RTN1: variants seen among roughly 807,000 people sequenced by gnomAD.
The protein encoded by RTN1 is reticulon 1.
In RTN1, 25 loss-of-function variants were observed where a neutral mutation model predicts 65.5. The ratio of observed to expected loss-of-function variants is 0.38; its 90% CI spans 0.28 to 0.53. The LOEUF is 0.53. RTN1 is among the 20% of genes least tolerant of loss of function. The probability of loss-of-function intolerance (pLI) is 0.79; values close to 1 mark genes in which losing one functional copy is unlikely to be tolerated. For synonymous variants in RTN1, 471 were observed against 447.6 expected (o/e 1.05, Z -0.66); for missense variants, 983 against 1,025.4 (o/e 0.96, Z 0.57).
At chr14:59,662,948 C>T (rs180916491) in intron 3 of RTN1, among the ~76,000 whole-genome samples, 40 of 152,204 alleles carry the variant, frequency 2.6e-4, no homozygotes, top group African/African-American at 9.2e-4. Context: ...AAAAAGAGCC[C>T]ATATAGCCAA....
chr14:59,857,647 T>C (rs1887632184), intron 1 of RTN1, among the ~76,000 whole-genome samples: 1 of 152,230 alleles, frequency 6.6e-6, no homozygotes, highest in Non-Finnish European at 1.5e-5. Flanking sequence ...GGCCCTGAAA[T>C]TGATGTTACT....
At chr14:59,651,335 T>A (rs538736811) in intron 3 of RTN1, among the ~76,000 whole-genome samples, 1 of 152,170 alleles carries the variant, frequency 6.6e-6, no homozygotes, top group Non-Finnish European at 1.5e-5. Flanking sequence ...GCTAGCCATA[T>A]GCAGAAAACT....
chr14:59,755,617 C>T (rs968347753), intron 1 of RTN1, among the ~76,000 whole-genome samples: 1 of 152,142 alleles, frequency 6.6e-6, no homozygotes, highest in African/African-American at 2.4e-5. Flanking sequence ...AGTCTGGAGG[C>T]TGTGACACAT....
At chr14:59,687,692 A>G (rs1480167452) in intron 3 of RTN1, among the ~76,000 whole-genome samples, 1 of 152,058 alleles carries the variant, frequency 6.6e-6, no homozygotes, top group African/African-American at 2.4e-5. Flanking sequence ...GCAGATCTCC[A>G]GGCATTCAGA....
At chr14:59,801,998 A>G (rs1302577445) in intron 1 of RTN1, among the ~76,000 whole-genome samples, 1 of 152,184 alleles carries the variant, frequency 6.6e-6, no homozygotes, top group Admixed American at 6.5e-5. Flanking sequence ...CCCCAAGTAT[A>G]TTTCAGTATG....
intron 1 of RTN1, among the ~76,000 whole-genome samples, chr14:59,750,378 AT>A (rs1326444490): frequency 8.9e-4 from 42 of 47,216 alleles, no homozygotes; most frequent in Non-Finnish European, 1.2e-3. Context: ...ATATCTATAT[AT>A]TATATATTAT....
chr14:59,743,288 C>G (rs1885150362), intron 2 of RTN1, among the ~76,000 whole-genome samples: 1 of 152,148 alleles, frequency 6.6e-6, no homozygotes, highest in South Asian at 2.1e-4. Flanking sequence ...TTTGTCAAGT[C>G]TTTGCAAACT....
At chr14:59,625,902 C>T (rs1377318327) in intron 3 of RTN1, among the ~76,000 whole-genome samples, 4 of 152,200 alleles carry the variant, frequency 2.6e-5, no homozygotes, top group African/African-American at 9.6e-5. Context: ...CTGCATAATA[C>T]GAGTTTTCTT....
intron 1 of RTN1, among the ~76,000 whole-genome samples, chr14:59,805,086 T>C (rs1886613618): frequency 6.6e-6 from 1 of 152,224 alleles, no homozygotes; most frequent in Admixed American, 6.5e-5. Flanking sequence ...TCCAGCTACC[T>C]GGAATGCTCT....
intron 3 of RTN1, among the ~76,000 whole-genome samples, chr14:59,690,004 G>A (rs530792043): frequency 6.7e-6 from 1 of 149,584 alleles, no homozygotes. Flanking sequence ...TTTTGGTAGA[G>A]ATGGGATCTT....
At chr14:59,666,918 A>G (rs1233880883) in intron 3 of RTN1, among the ~76,000 whole-genome samples, 11 of 148,682 alleles carry the variant, frequency 7.4e-5, no homozygotes, top group African/African-American at 2.8e-4. Context: ...GAATAGACCA[A>G]TATCAAGTTC....
chr14:59,704,018 C>T (rs140446396), intron 3 of RTN1, among the ~76,000 whole-genome samples: 1 of 152,266 alleles, frequency 6.6e-6, no homozygotes, highest in East Asian at 1.9e-4. Flanking sequence ...GATAATATTG[C>T]AGGAAATCAC....
rs1306090679 is a variant in RTN1, at chr14:59,816,692, A to C, written c.241+53698T>G. 1.3e-5 allele frequency among the ~76,000 whole-genome samples: 2 copies of C among 152,100 alleles called. No individual in the cohort carries two copies. Among genetic ancestry groups the C allele is most frequent in the Non-Finnish European group, 2.9e-5 (2 of 68,002 alleles). On this transcript the variant is annotated intron_variant, in intron 1 of 8. Coordinates refer to ENST00000267484, the MANE Select transcript of RTN1 (RefSeq NM_021136.3). This position sits in a 1 kb window ranked among gnomAD's most constrained non-coding sequence, Gnocchi z 4.3. ...CTCATGCCTGTAATCCCAGCACTTT[A>C]GGAGGCCGAGGCTGGCGAATCACTT... is the stretch of plus-strand genomic sequence containing the variant.
intron 1 of RTN1, among the ~76,000 whole-genome samples, chr14:59,830,621 C>T (rs1887108293): frequency 1.3e-5 from 2 of 152,202 alleles, no homozygotes; most frequent in Non-Finnish European, 2.9e-5. Context: ...TACCTCAGGT[C>T]ATCCCTTAGG....
intron 3 of RTN1, among the ~76,000 whole-genome samples, chr14:59,710,939 C>T (rs1046594245): frequency 6.6e-6 from 1 of 152,222 alleles, no homozygotes; most frequent in African/African-American, 2.4e-5. Context: ...AATTTCATTA[C>T]AATTCTAGCA....
In RTN1 at chr14:59,825,788, C is replaced by T. The variant is rs1274152374; in HGVS notation, c.241+44602G>A. Among the ~76,000 whole-genome samples the T allele has an allele frequency of 6.6e-6, 1 of 152,142 alleles. No homozygotes were observed. On this transcript the variant is annotated intron_variant, in intron 1 of 8. Coordinates refer to ENST00000267484, the MANE Select transcript of RTN1 (RefSeq NM_021136.3). The surrounding 1 kb of genome is among the most constrained non-coding windows in gnomAD (Gnocchi z 4.2). ...AAATAAAACATAGACCTCGGGTATG[C>T]CATAGAAACTAAATGGCATTACCCA...
chr14:59,672,243 A>G (rs1883522043), intron 3 of RTN1, among the ~76,000 whole-genome samples: 2 of 152,188 alleles, frequency 1.3e-5, no homozygotes, highest in Non-Finnish European at 2.9e-5. Context: ...GCCAGCAATT[A>G]TGGTGGTCAG....
intron 3 of RTN1, among the ~76,000 whole-genome samples, chr14:59,627,437 G>C (rs1273235923): frequency 6.6e-6 from 1 of 152,158 alleles, no homozygotes; most frequent in Non-Finnish European, 1.5e-5. Context: ...CAGGTTTTGT[G>C]GGGACTAAAT....
chr14:59,702,943 C>T (rs1884210883), intron 3 of RTN1, among the ~76,000 whole-genome samples: 1 of 152,208 alleles, frequency 6.6e-6, no homozygotes, highest in Non-Finnish European at 1.5e-5. Flanking sequence ...CATCAGACAA[C>T]TCCTGCTTTA....
Sources: allele counts gnomAD v4.1 joint callset (sites outside exome capture counted in the v4.1 genomes callset), GRCh38; gene constraint gnomAD v4.1.1; non-coding constraint Gnocchi (gnomAD v3.1); transcripts MANE v1.5; gene names NCBI Gene and HGNC (gene_info 2026-07-23, HGNC 2026-07-21).